EPS15: variants seen among roughly 807,000 people sequenced by gnomAD.
The protein encoded by EPS15 is epidermal growth factor receptor pathway substrate 15, also known as epidermal growth factor receptor substrate 15.
In EPS15, 72 loss-of-function variants were observed where a neutral mutation model predicts 113.8. The observed-to-expected ratio is 0.63, with a 90% confidence interval of 0.52 to 0.77. The LOEUF is 0.77. Ranked by LOEUF, EPS15 falls within the 30% of genes least tolerant of loss-of-function variation. EPS15 has a pLI of 0.00. For synonymous variants in EPS15, 344 were observed against 363.4 expected, an observed-to-expected ratio of 0.95 and a Z score of 0.61; for missense variants, 1,048 against 1,045.8, an observed-to-expected ratio of 1.00 and a Z score of -0.03.
chr1:51,429,907 TC>T (rs1233541822), intron 12 of EPS15, among the ~76,000 whole-genome samples: 1 of 152,104 alleles, frequency 6.6e-6, no homozygotes, highest in Non-Finnish European at 1.5e-5. Flanking sequence ...CACCTCAGCC[TC>T]CCAAAGTGCT....
intron 12 of EPS15, among the ~76,000 whole-genome samples, chr1:51,426,854 C>CACACACATATATATATACTCATATAT (rs1553124720): frequency 7.2e-6 from 1 of 138,348 alleles, no homozygotes; most frequent in African/African-American, 2.8e-5. Flanking sequence ...TATATATATA[C>CACACACATATATATATACTCATATAT]ACACACACAT....
intron 20 of EPS15, among the ~76,000 whole-genome samples, chr1:51,395,911 T>C (rs1647889479): frequency 6.6e-6 from 1 of 152,194 alleles, no homozygotes; most frequent in African/African-American, 2.4e-5. Flanking sequence ...AGTTGGATAT[T>C]ACAAATAAAT....
intron 24 of EPS15, among the ~76,000 whole-genome samples, chr1:51,358,709 G>GTTTTTTTTT (rs71063028): frequency 4.9e-5 from 6 of 121,376 alleles, no homozygotes; most frequent in Non-Finnish European, 5.3e-5. Flanking sequence ...GTTTTTTTTT[G>GTTTTTTTTT]TTTTTTTTTT....
In EPS15 at chr1:51,354,535, AGTAT is replaced by A. The variant is rs1321399167; in HGVS notation, c.*2161_*2164del. ...AAGAGAGCTCAAATAAACATGAATC[AGTAT>A]GTAGAAGACATTTAAAACTTTGTAA... is the stretch of plus-strand genomic sequence containing the variant. On this transcript the variant is annotated 3_prime_UTR_variant, in exon 25 of 25. Transcript: ENST00000371733. 2 of 174,024 alleles carry A rather than the reference AGTAT, an allele frequency of 1.1e-5. No homozygotes were observed. The highest frequency in any genetic ancestry group is 2.5e-5 in the Non-Finnish European group (2 of 80,918). The allele number at this position is 174,024 out of a possible 1,614,324, so 10.8% of individuals were successfully genotyped here. A position where few individuals can be genotyped will look rare whatever the true frequency, so the allele number is the denominator to read the frequency against.
At chr1:51,493,721 C>A (rs1315050132) in intron 1 of EPS15, among the ~76,000 whole-genome samples, 5 of 151,098 alleles carry the variant, frequency 3.3e-5, no homozygotes, top group Non-Finnish European at 5.9e-5. Context: ...TGGGTTCAAG[C>A]GATTCTCCTG....
intron 13 of EPS15, among the ~76,000 whole-genome samples, chr1:51,414,403 T>G (rs148135044): frequency 6.6e-6 from 1 of 150,444 alleles, no homozygotes; most frequent in Non-Finnish European, 1.5e-5. Context: ...GCAACAAGAG[T>G]GAAACTCCAT....
intron 1 of EPS15, among the ~76,000 whole-genome samples, chr1:51,504,013 G>C (rs904425087): frequency 6.6e-6 from 1 of 152,104 alleles, no homozygotes; most frequent in Admixed American, 6.5e-5. Flanking sequence ...AGAAAACACA[G>C]GGATAAATCT....
chr1:51,451,284 T>A (rs967718406), intron 8 of EPS15, among the ~76,000 whole-genome samples: 3 of 150,890 alleles, frequency 2.0e-5, no homozygotes, highest in Admixed American at 2.0e-4. Context: ...AGGTCAGGAG[T>A]TCGAAACCAG....
chr1:51,493,688 G>A (rs1256873633), intron 1 of EPS15, among the ~76,000 whole-genome samples: 1 of 150,922 alleles, frequency 6.6e-6, no homozygotes, highest in Admixed American at 6.6e-5. Context: ...GCACGATCTC[G>A]GCTCACTGCA....
chr1:51,514,703 T>C (rs549961165), intron 1 of EPS15, among the ~76,000 whole-genome samples: 28 of 152,304 alleles, frequency 1.8e-4, no homozygotes, highest in Non-Finnish European at 3.7e-4. Context: ...AACAAAGGAA[T>C]GCACTCTTAG....
At chr1:51,488,992 G>A (rs72691881) in intron 1 of EPS15, among the ~76,000 whole-genome samples, 4,569 of 151,896 alleles carry the variant, frequency 0.03, 75 homozygotes, top group African/African-American at 0.05. Context: ...GGAAAACATG[G>A]GAAAAATACA....
At chr1:51,392,657 T>A (rs1043531966) in intron 21 of EPS15, among the ~76,000 whole-genome samples, 1 of 152,218 alleles carries the variant, frequency 6.6e-6, no homozygotes, top group Admixed American at 6.5e-5. Flanking sequence ...CTTGTTCACA[T>A]TGTTCTTTTT....
At chr1:51,453,760 CTCTGA>C (rs1653759416) in intron 8 of EPS15, among the ~76,000 whole-genome samples, 1 of 152,110 alleles carries the variant, frequency 6.6e-6, no homozygotes, top group African/African-American at 2.4e-5. Context: ...TGTCCACTTT[CTCTGA>C]TATTTTTTCA....
At chr1:51,513,016 G>A (rs1258649168) in intron 1 of EPS15, among the ~76,000 whole-genome samples, 1 of 150,468 alleles carries the variant, frequency 6.6e-6, no homozygotes, top group Middle Eastern at 3.2e-3. Flanking sequence ...TTTTTTTTTT[G>A]TCCCAGATGG....
At chr1:51,377,907 T>C (rs545196134) in intron 21 of EPS15, among the ~76,000 whole-genome samples, 1 of 151,826 alleles carries the variant, frequency 6.6e-6, no homozygotes, top group East Asian at 1.9e-4. Flanking sequence ...TTTTTTTTTT[T>C]TTTTTGAGAT....
intron 11 of EPS15, among the ~76,000 whole-genome samples, chr1:51,443,808 G>A (rs181710276): frequency 9.2e-5 from 14 of 151,588 alleles, no homozygotes; most frequent in Admixed American, 6.6e-4. Flanking sequence ...ACACGCCAAC[G>A]CACCTGGCTA....
At chr1:51,417,854 G>A (rs563413041) in intron 13 of EPS15, among the ~76,000 whole-genome samples, 1 of 152,184 alleles carries the variant, frequency 6.6e-6, no homozygotes, top group East Asian at 1.9e-4. Context: ...AAAGAGGAGG[G>A]TTTGTATTTC....
At chr1:51,423,789 G>T in intron 12 of EPS15, 1 of 900,884 alleles carries the variant, frequency 1.1e-6, no homozygotes, top group Non-Finnish European at 1.3e-6. Context: ...AGATGGGAGA[G>T]CAAAGGAAGG....
chr1:51,399,576 G>C (rs1399719827), intron 19 of EPS15, among the ~76,000 whole-genome samples: 1 of 151,720 alleles, frequency 6.6e-6, no homozygotes, highest in African/African-American at 2.4e-5. Flanking sequence ...AAGACAGTTT[G>C]GGCCAGGTGC....
Sources: allele counts gnomAD v4.1 joint callset (sites outside exome capture counted in the v4.1 genomes callset), GRCh38; gene constraint gnomAD v4.1.1; transcripts MANE v1.5; gene names NCBI Gene and HGNC (gene_info 2026-07-23, HGNC 2026-07-21).